Variants in ADAM18 observed in about 807,000 individuals in gnomAD.
ADAM18 encodes the protein disintegrin and metalloproteinase domain-containing protein 18.
A neutral mutation model predicts 94.4 loss-of-function variants in ADAM18; 117 were observed. The observed-to-expected ratio is 1.24, with a 90% CI of 1.07 to 1.45. ADAM18 has a LOEUF of 1.45. Ranked by LOEUF, ADAM18 falls within the 40% of genes most tolerant of loss-of-function variation. The pLI is 0.00. For synonymous variants in ADAM18, 327 were observed against 291.6 expected, an observed-to-expected ratio of 1.12 and a Z score of -1.24; for missense variants, 936 against 880.0, an observed-to-expected ratio of 1.06 and a Z score of -0.81.
At chr8:39,628,401 A>G (rs929676544) in intron 6 of ADAM18, among the ~76,000 whole-genome samples, 5 of 145,352 alleles carry the variant, frequency 3.4e-5, no homozygotes, top group South Asian at 4.5e-4. Context: ...TGATGAATTG[A>G]TAGACTGATA....
At chr8:39,604,741 GCCAACTAAA>G (rs1295858613) in intron 2 of ADAM18, 1 of 152,246 alleles carries the variant, frequency 6.6e-6, no homozygotes, top group African/African-American at 2.4e-5. Context: ...AGAACGGTGA[GCCAACTAAA>G]CCTCTTTTCT....
intron 9 of ADAM18, among the ~76,000 whole-genome samples, 161 bp from the exon 10 acceptor site, chr8:39,638,304 G>C (rs1820140932): frequency 6.6e-6 from 1 of 151,576 alleles, no homozygotes; most frequent in Admixed American, 6.6e-5. Flanking sequence ...TTAGTATTTA[G>C]TATTTAGTAT....
Position 39,637,255 on chromosome 8 carries a change from C to A in ADAM18, c.589-9C>A, listed in dbSNP as rs763380321. The A allele has an allele frequency of 7.1e-6, 11 of 1,560,254 alleles. No homozygotes were observed. The Admixed American group carries it at 1.1e-4, about 16-fold the overall frequency. ...AATACTTTCATGAAAAATAAAATTT[C>A]TTTTTCAGTATGATTATATGGGATC... On this transcript the variant is annotated splice_polypyrimidine_tract_variant and intron_variant, in intron 7 of 19. Coordinates refer to ENST00000265707, the MANE Select transcript of ADAM18 (RefSeq NM_014237.3).
Position 39,606,294 on chromosome 8 carries a change from T to G in ADAM18, c.133-13T>G. The G allele has an allele frequency of 1.4e-6, 2 of 1,452,070 alleles. 1 individual carries two copies. The highest frequency in any genetic ancestry group is 1.9e-6 in the Non-Finnish European group (2 of 1,057,880). 89.9% of individuals were successfully genotyped at this position (1,452,070 alleles called of 1,614,324 possible). The stretch of plus-strand genomic sequence containing the variant: ...GTTTCCTTCACAATCTTTACTGATG[T>G]GTTTTATTTTAGATGATTTACATCA... On this transcript the variant is annotated splice_polypyrimidine_tract_variant and intron_variant, in intron 2 of 19. Coordinates refer to ENST00000265707, the MANE Select transcript of ADAM18 (RefSeq NM_014237.3).
chr8:39,718,831 ATAAAT>A (rs1232668772), intron 18 of ADAM18, among the ~76,000 whole-genome samples: 1 of 151,516 alleles, frequency 6.6e-6, no homozygotes, highest in Non-Finnish European at 1.5e-5. Flanking sequence ...CATTACTGAG[ATAAAT>A]TAAAGAAGAT....
intron 2 of ADAM18, 57 bp from the exon 3 acceptor site, chr8:39,606,250 T>C: frequency 1.0e-6 from 1 of 977,010 alleles, no homozygotes; most frequent in Non-Finnish European, 1.5e-6. Flanking sequence ...TGAATATTGT[T>C]TTATTTTATA....
chr8:39,623,060 A>G (rs1284080852), intron 6 of ADAM18, among the ~76,000 whole-genome samples: 1 of 152,130 alleles, frequency 6.6e-6, no homozygotes, highest in Non-Finnish European at 1.5e-5. Context: ...TCCAATTTCC[A>G]TGATACCACT....
At chr8:39,709,713 G>A (rs992974517) in intron 18 of ADAM18, among the ~76,000 whole-genome samples, 9 of 152,186 alleles carry the variant, frequency 5.9e-5, no homozygotes, top group Non-Finnish European at 1.0e-4. Flanking sequence ...TGGTAAATAG[G>A]TTTGGTGATG....
Position 39,681,304 on chromosome 8 carries a change from G to A in ADAM18, c.1821+1078G>A, listed in dbSNP as rs140667377. On this transcript the variant is annotated intron_variant, in intron 16 of 19. Coordinates refer to ENST00000265707, the MANE Select transcript of ADAM18 (RefSeq NM_014237.3). ...GGCCCTCAGTTCAACAGCCTGTGAG[G>A]GACTGAATTCTGCCAAAACCACACA... Among the ~76,000 whole-genome samples the A allele has an allele frequency of 2.3e-4, 35 of 152,206 alleles. No homozygotes were observed. The East Asian group carries it at 6.6e-3, about 29-fold the overall frequency.
chr8:39,697,186 TA>T (rs1821950350), intron 17 of ADAM18, among the ~76,000 whole-genome samples: 1 of 151,564 alleles, frequency 6.6e-6, no homozygotes, highest in East Asian at 1.9e-4. Flanking sequence ...GCCAGTGTAT[TA>T]AAATGCAGCT....
At chr8:39,665,045 G>A (rs1820959206) in intron 13 of ADAM18, among the ~76,000 whole-genome samples, 1 of 152,062 alleles carries the variant, frequency 6.6e-6, no homozygotes, top group Admixed American at 6.6e-5. Context: ...AAAAGGATAG[G>A]TGATGTCATC....
chr8:39,655,792 C>A (rs1300357476), intron 12 of ADAM18, among the ~76,000 whole-genome samples: 1 of 151,178 alleles, frequency 6.6e-6, no homozygotes. Flanking sequence ...ATCGAGGTCA[C>A]TTGTTACATA....
At chr8:39,692,494 G>GT in intron 16 of ADAM18, 106 bp from the exon 17 acceptor site, 1 of 480,682 alleles carries the variant, frequency 2.1e-6, no homozygotes, top group Non-Finnish European at 3.6e-6. Flanking sequence ...ATTACTAAAA[G>GT]TCTTTCAACT....
chr8:39,635,498 T>C (rs1820051443), intron 7 of ADAM18, among the ~76,000 whole-genome samples: 1 of 152,146 alleles, frequency 6.6e-6, no homozygotes, highest in Non-Finnish European at 1.5e-5. Context: ...AAGATTCTTT[T>C]CACAACTTCT....
At chr8:39,611,815 A>G (rs1339801786) in intron 6 of ADAM18, among the ~76,000 whole-genome samples, 2 of 152,208 alleles carry the variant, frequency 1.3e-5, no homozygotes, top group African/African-American at 4.8e-5. Context: ...TGTGACCACA[A>G]TTAATTTGGT....
intron 11 of ADAM18, 151 bp downstream of exon 11, chr8:39,645,625 C>T (rs1820357095): frequency 1.4e-6 from 1 of 732,904 alleles, no homozygotes; most frequent in Non-Finnish European, 2.2e-6. Flanking sequence ...ATTATGTATA[C>T]TTAGGGATAT....
intron 4 of ADAM18, 138 bp downstream of exon 4, chr8:39,609,258 G>T: frequency 1.4e-6 from 1 of 738,938 alleles, no homozygotes; most frequent in Non-Finnish European, 2.2e-6. Context: ...AATGGCATGT[G>T]ATAGAGATGA....
intron 6 of ADAM18, among the ~76,000 whole-genome samples, chr8:39,617,591 T>G (rs1435196196): frequency 6.6e-6 from 1 of 152,204 alleles, no homozygotes; most frequent in Non-Finnish European, 1.5e-5. Context: ...TCAATCTAGA[T>G]GTCCATCAGT....
At chr8:39,667,602 A>T (rs1291609637) in intron 13 of ADAM18, among the ~76,000 whole-genome samples, 2 of 152,206 alleles carry the variant, frequency 1.3e-5, no homozygotes, top group African/African-American at 4.8e-5. Flanking sequence ...CAAATAAGGT[A>T]GTAAGAGTGA....
Sources: gnomAD v4.1 joint callset for allele counts (sites outside exome capture counted in the v4.1 genomes callset) on GRCh38, gnomAD v4.1.1 for gene constraint, MANE v1.5 for transcripts, NCBI Gene and HGNC (gene_info 2026-07-23, HGNC 2026-07-21) for gene names.